KIF21A: variants seen among roughly 807,000 people sequenced by gnomAD.
KIF21A encodes the protein kinesin-like protein KIF21A.
Under a neutral mutation model 202.9 loss-of-function variants are expected in KIF21A, and 114 were observed. The observed-to-expected ratio is 0.56, with a 90% confidence interval of 0.48 to 0.66. The LOEUF is 0.66. Ranked by LOEUF, KIF21A falls within the 30% of genes least tolerant of loss-of-function variation. The probability of loss-of-function intolerance (pLI) is 0.00; values close to 1 mark genes in which losing one functional copy is unlikely to be tolerated. For missense variants in KIF21A, 1,677 were observed against 1,994.9 expected (o/e 0.84, Z 3.04); for synonymous variants, 667 against 670.8 (o/e 0.99, Z 0.09).
At chr12:39,365,302 G>A in intron 6 of KIF21A, among the ~76,000 whole-genome samples, 1 of 152,188 alleles carries the variant, frequency 6.6e-6, no homozygotes. Context: ...CAATTCCCCT[G>A]TCTTGATAAA....
intron 16 of KIF21A, chr12:39,337,519 G>C (rs948968045): frequency 1.5e-4 from 41 of 278,872 alleles, no homozygotes; most frequent in Middle Eastern, 1.3e-3. Flanking sequence ...ACCTCTCTAG[G>C]CTTTGGTTTG....
chr12:39,416,635 A>ATATATATGTACATATATATGTGTGTG (rs1566264688), intron 1 of KIF21A, among the ~76,000 whole-genome samples: 2 of 139,340 alleles, frequency 1.4e-5, no homozygotes, highest in African/African-American at 5.8e-5. Flanking sequence ...ATATGTGTAT[A>ATATATATGTACATATATATGTGTGTG]TATATATATG....
At chr12:39,409,043 C>G (rs1317953174) in intron 1 of KIF21A, among the ~76,000 whole-genome samples, 3 of 151,496 alleles carry the variant, frequency 2.0e-5, no homozygotes, top group African/African-American at 7.3e-5. Context: ...CCTATGTTGC[C>G]CAGGCTGGTC....
At chr12:39,403,601 A>C (rs752682106) in intron 1 of KIF21A, among the ~76,000 whole-genome samples, 1 of 152,202 alleles carries the variant, frequency 6.6e-6, no homozygotes, top group Non-Finnish European at 1.5e-5. Context: ...CCTGTTTCCC[A>C]GTACATGAAA....
At chr12:39,329,038 T>C (rs1946245647) in intron 24 of KIF21A, among the ~76,000 whole-genome samples, 1 of 152,206 alleles carries the variant, frequency 6.6e-6, no homozygotes, top group Non-Finnish European at 1.5e-5. Context: ...CATCTTTGAA[T>C]CCCAGCATCC....
At chr12:39,404,230 C>T (rs1301515888) in intron 1 of KIF21A, among the ~76,000 whole-genome samples, 2 of 152,122 alleles carry the variant, frequency 1.3e-5, no homozygotes, top group Admixed American at 1.3e-4. Context: ...TCCCAAGTAG[C>T]TGAGGTAAGA....
At chr12:39,390,209 A>C (rs1951247424) in intron 1 of KIF21A, among the ~76,000 whole-genome samples, 1 of 152,236 alleles carries the variant, frequency 6.6e-6, no homozygotes, top group Non-Finnish European at 1.5e-5. Context: ...CAACAAAAAA[A>C]CACCTAGGTT....
At chr12:39,299,338 C>T (rs560901316) in intron 37 of KIF21A, among the ~76,000 whole-genome samples, 10 of 151,902 alleles carry the variant, frequency 6.6e-5, no homozygotes, top group African/African-American at 1.9e-4. Flanking sequence ...ACATACATGC[C>T]GCTAACTAGA....
At position 39,307,690 on chromosome 12, in the gene KIF21A, T is replaced by G; in HGVS notation, c.4317A>C (p.Ala1439=). ...GAATAGCTACTGTTCGACTGGTACT[T>G]GCAGAACAAGCATCTCCAAGAGTAA... ...GQVTLGDACS[A]STSRTVAIPS... The change falls in exon 34 of 38, where the codon GCA becomes GCC. Residue 1439 remains alanine (A), a synonymous_variant. Coordinates refer to ENST00000361418, the MANE Select transcript of KIF21A (RefSeq NM_001173464.2). 6.2e-7 allele frequency: 1 copy of G among 1,614,082 alleles called. No homozygotes were observed. Among genetic ancestry groups the G allele is most frequent in the Non-Finnish European group, 8.5e-7 (1 of 1,179,970 alleles).
intron 1 of KIF21A, among the ~76,000 whole-genome samples, chr12:39,400,005 C>T (rs1412774193): frequency 6.6e-6 from 1 of 152,192 alleles, no homozygotes; most frequent in Non-Finnish European, 1.5e-5. Flanking sequence ...CTATTTACCA[C>T]ATGTACCTCA....
intron 34 of KIF21A, among the ~76,000 whole-genome samples, chr12:39,305,414 C>T (rs1299640717): frequency 6.6e-6 from 1 of 150,920 alleles, no homozygotes; most frequent in Non-Finnish European, 1.5e-5. Flanking sequence ...CATTATGTTG[C>T]CAGGCTGAAG....
intron 7 of KIF21A, among the ~76,000 whole-genome samples, chr12:39,359,516 C>G (rs1232561000): frequency 1.3e-5 from 2 of 152,092 alleles, no homozygotes; most frequent in African/African-American, 4.8e-5. Flanking sequence ...AGGTCATTAA[C>G]AATTGTGATG....
intron 26 of KIF21A, among the ~76,000 whole-genome samples, chr12:39,323,127 T>C (rs1945471817): frequency 6.6e-6 from 1 of 152,130 alleles, no homozygotes; most frequent in Non-Finnish European, 1.5e-5. Context: ...CCAAACACAT[T>C]ATTATATTAG....
At chr12:39,315,367 A>G in intron 30 of KIF21A, 127 bp from the exon 31 acceptor site, 1 of 763,020 alleles carries the variant, frequency 1.3e-6, no homozygotes, top group South Asian at 1.7e-5. Context: ...GGACCCCCAG[A>G]AAAATCCATA....
Position 39,307,668 on chromosome 12 carries a change from T to C in KIF21A, c.4339A>G (p.Ile1447Val). The change falls in exon 34 of 38, where the codon ATT (isoleucine) becomes GTT (valine). Residue 1447 changes from isoleucine (I) to valine (V), a missense_variant. Ile to Val is a conservative substitution (Grantham distance 29, BLOSUM62 3). Transcript: ENST00000361418. Reference sequence around the variant, plus strand: ...TTGATCTGGTTCTCTCCAGAAGGAATAGCTACTGTTCGACTGGTACTTGCA... The same window carrying C: ...TTGATCTGGTTCTCTCCAGAAGGAACAGCTACTGTTCGACTGGTACTTGCA... ...CSASTSRTVA[I>V]PSGENQINQI... is the part of the protein sequence containing the mutation. 6.2e-7 allele frequency: 1 copy of C among 1,614,032 alleles called. No individual in the cohort carries two copies. Among genetic ancestry groups the C allele is most frequent in the Non-Finnish European group, 8.5e-7 (1 of 1,179,898 alleles).
intron 12 of KIF21A, among the ~76,000 whole-genome samples, chr12:39,343,965 A>G (rs530568653): frequency 6.6e-6 from 1 of 152,320 alleles, no homozygotes; most frequent in East Asian, 1.9e-4. Context: ...AAAGATGCAT[A>G]AAGATGCATG....
chr12:39,385,239 G>C (rs1375553367), intron 1 of KIF21A, among the ~76,000 whole-genome samples: 3 of 152,094 alleles, frequency 2.0e-5, no homozygotes, highest in African/African-American at 7.2e-5. Flanking sequence ...GTTATGTGAA[G>C]GCAGTGGGCT....
At chr12:39,314,927 TA>T (rs1373850255) in intron 31 of KIF21A, among the ~76,000 whole-genome samples, 1 of 151,908 alleles carries the variant, frequency 6.6e-6, no homozygotes, top group Non-Finnish European at 1.5e-5. Context: ...TTTATTACTT[TA>T]AAATGTTCTT....
intron 7 of KIF21A, among the ~76,000 whole-genome samples, chr12:39,358,743 T>G (rs1024847926): frequency 6.6e-6 from 1 of 152,212 alleles, no homozygotes; most frequent in Non-Finnish European, 1.5e-5. Context: ...TTTTAAAAAT[T>G]TATTCTTAAT....
Sources: gnomAD v4.1 joint callset for allele counts (sites outside exome capture counted in the v4.1 genomes callset) on GRCh38, gnomAD v4.1.1 for gene constraint, MANE v1.5 for transcripts, NCBI Gene and HGNC (gene_info 2026-07-23, HGNC 2026-07-21) for gene names.